The following CIMAP3 variants were observed in gnomAD, a reference collection of about 807,000 sequenced individuals.
The protein encoded by CIMAP3 is ciliary microtubule associated protein 3, also known as ciliary microtubule-associated protein 3.
the CIMAP3 span, among the ~76,000 whole-genome samples, chr1:111,325,762 C>T: frequency 6.6e-6 from 1 of 152,068 alleles, no homozygotes; most frequent in South Asian, 2.1e-4. Flanking sequence ...GATTCTTGCA[C>T]CATATGTTGT....
At chr1:111,351,306 C>T in the CIMAP3 span, 2 of 1,583,380 alleles carry the variant, frequency 1.3e-6, no homozygotes, top group Non-Finnish European at 8.5e-7. Context: ...GTGTGGCCTA[C>T]CTAAGCCTGT....
At chr1:111,328,631 T>C in the CIMAP3 span, among the ~76,000 whole-genome samples, 2 of 152,254 alleles carry the variant, frequency 1.3e-5, no homozygotes, top group Non-Finnish European at 1.5e-5. Context: ...TTTATCTTTG[T>C]GAGTTTGAAA....
At chr1:111,340,640 T>C in the CIMAP3 span, among the ~76,000 whole-genome samples, 2 of 152,070 alleles carry the variant, frequency 1.3e-5, no homozygotes, top group Admixed American at 1.3e-4. Flanking sequence ...AGAAATGCAA[T>C]CAAAACCACA....
chr1:111,347,833 A>ATGCAT, the CIMAP3 span: 1 of 1,221,536 alleles, frequency 8.2e-7, no homozygotes, highest in Non-Finnish European at 1.2e-6. Context: ...AGGAGTGCAA[A>ATGCAT]GGGCAGAGAG....
At chr1:111,346,848 G>A in the CIMAP3 span, 5 of 1,594,406 alleles carry the variant, frequency 3.1e-6, no homozygotes, top group African/African-American at 6.7e-5. Context: ...TTCCCCTCCC[G>A]GAACGCGCTC....
the CIMAP3 span, among the ~76,000 whole-genome samples, chr1:111,325,232 T>C: frequency 7.9e-3 from 1,206 of 152,340 alleles, 16 homozygotes; most frequent in African/African-American, 0.027. Context: ...GTGTTAGCTC[T>C]GAAATTCTTA....
the CIMAP3 span, among the ~76,000 whole-genome samples, chr1:111,336,947 G>T: frequency 2.0e-5 from 3 of 151,826 alleles, no homozygotes; most frequent in African/African-American, 7.3e-5. Context: ...CAGCCAGAGA[G>T]AAAGGTCGGG....
the CIMAP3 span, chr1:111,346,640 C>A: frequency 6.2e-7 from 1 of 1,614,210 alleles, no homozygotes; most frequent in Middle Eastern, 1.7e-4. Flanking sequence ...AGTGCTAGCC[C>A]TAGCAGCTCG....
chr1:111,346,523 A>C, the CIMAP3 span: 3 of 1,431,990 alleles, frequency 2.1e-6, no homozygotes, highest in East Asian at 7.6e-5. Flanking sequence ...GGCTCGGTGG[A>C]CGCCCCAACT....
chr1:111,342,213 C>T, the CIMAP3 span, among the ~76,000 whole-genome samples: 2 of 152,170 alleles, frequency 1.3e-5, no homozygotes, highest in African/African-American at 4.8e-5. Context: ...ATTCATCCAG[C>T]AACAGATTCC....
At chr1:111,337,991 A>G in the CIMAP3 span, among the ~76,000 whole-genome samples, 1 of 149,790 alleles carries the variant, frequency 6.7e-6, no homozygotes, top group East Asian at 1.9e-4. Flanking sequence ...ATTATAACAA[A>G]CTATCTCTCA....
the CIMAP3 span, among the ~76,000 whole-genome samples, chr1:111,337,739 C>T: frequency 7.6e-3 from 1,164 of 152,162 alleles, 14 homozygotes; most frequent in African/African-American, 0.026. Flanking sequence ...TCCCACACAA[C>T]AATAATGGGA....
At chr1:111,346,681 G>A in the CIMAP3 span, 2 of 1,613,274 alleles carry the variant, frequency 1.2e-6, no homozygotes, top group South Asian at 2.2e-5. Context: ...GGTGAGGAGG[G>A]CTGCCGAGAA....
chr1:111,350,169 A>G, the CIMAP3 span: 19 of 1,614,134 alleles, frequency 1.2e-5, no homozygotes, highest in Non-Finnish European at 1.6e-5. Flanking sequence ...TGAAATTTGG[A>G]TCTCCAGACT....
chr1:111,346,874 C>G, the CIMAP3 span: 1 of 1,607,674 alleles, frequency 6.2e-7, no homozygotes. Flanking sequence ...GACCCAGGTG[C>G]CGTCCCTCAC....
chr1:111,346,613 T>C, the CIMAP3 span: 1 of 1,613,684 alleles, frequency 6.2e-7, no homozygotes, highest in Non-Finnish European at 8.5e-7. Flanking sequence ...TTCGTTTCCT[T>C]GGCAACGCAG....
chr1:111,333,642 A>G, the CIMAP3 span, among the ~76,000 whole-genome samples: 1 of 152,148 alleles, frequency 6.6e-6, no homozygotes, highest in African/African-American at 2.4e-5. Flanking sequence ...CTCCCAGCAG[A>G]TTTGATTCAG....
At chr1:111,341,108 C>CA in the CIMAP3 span, among the ~76,000 whole-genome samples, 2,474 of 146,848 alleles carry the variant, frequency 0.017, 72 homozygotes, top group African/African-American at 0.058. Context: ...ATCACAAGAA[C>CA]AAAAAACCAA....
chr1:111,335,706 C>T, the CIMAP3 span, among the ~76,000 whole-genome samples: 46,161 of 152,216 alleles, frequency 0.3, 7,682 homozygotes, highest in South Asian at 0.42. Context: ...GAAGCTCGAA[C>T]TGGGTGGAGC....
Sources: allele counts gnomAD v4.1 joint callset (sites outside exome capture counted in the v4.1 genomes callset), GRCh38; gene constraint gnomAD v4.1.1; transcripts MANE v1.5; gene names NCBI Gene and HGNC (gene_info 2026-07-23, HGNC 2026-07-21).